PTPRT: variants seen among roughly 807,000 people sequenced by gnomAD.
The protein encoded by PTPRT is protein tyrosine phosphatase receptor type T.
In PTPRT, 56 loss-of-function variants were observed where a neutral mutation model predicts 176.8. The ratio of observed to expected loss-of-function variants is 0.32; its 90% CI spans 0.26 to 0.40. The LOEUF is 0.40. Ranked by LOEUF, PTPRT falls within the 10% of genes least tolerant of loss-of-function variation. PTPRT has a pLI of 1.00. For missense variants in PTPRT, 1,540 were observed against 1,908.2 expected (o/e 0.81, Z 3.60); for synonymous variants, 783 against 739.0 (o/e 1.06, Z -0.96).
At chr20:43,067,992 G>A (rs1451517717) in intron 1 of PTPRT, among the ~76,000 whole-genome samples, 1 of 5,072 alleles carries the variant, frequency 2.0e-4, no homozygotes, top group Non-Finnish European at 4.1e-4. Flanking sequence ...AAGGAAGGGA[G>A]GGGAGGAAGG....
At chr20:42,272,721 G>GCACACACA (rs58728446) in intron 13 of PTPRT, among the ~76,000 whole-genome samples, 4 of 149,206 alleles carry the variant, frequency 2.7e-5, no homozygotes, top group African/African-American at 9.9e-5. Flanking sequence ...ACACGTGCGC[G>GCACACACA]CACACACACA....
chr20:42,948,838 A>G (rs1215426372), intron 1 of PTPRT, among the ~76,000 whole-genome samples: 1 of 152,216 alleles, frequency 6.6e-6, no homozygotes, highest in Admixed American at 6.5e-5. Context: ...CCACATCTGT[A>G]TCACCAGGCC....
intron 13 of PTPRT, among the ~76,000 whole-genome samples, chr20:42,254,855 G>A (rs961091749): frequency 1.3e-5 from 2 of 152,186 alleles, no homozygotes; most frequent in African/African-American, 4.8e-5. Context: ...AGGACCTCAT[G>A]TCTACAGGAT....
At chr20:42,797,775 C>G (rs746281299) in intron 2 of PTPRT, among the ~76,000 whole-genome samples, 2 of 152,076 alleles carry the variant, frequency 1.3e-5, no homozygotes, top group African/African-American at 4.8e-5. Flanking sequence ...GACAAGGGGG[C>G]CAGGAGAGTC....
At chr20:42,154,742 C>T (rs1435795862) in intron 17 of PTPRT, among the ~76,000 whole-genome samples, 6 of 152,182 alleles carry the variant, frequency 3.9e-5, no homozygotes. Context: ...CTTCTGACTA[C>T]CATGGCAGCA....
intron 2 of PTPRT, among the ~76,000 whole-genome samples, chr20:42,854,153 T>C (rs541134098): frequency 6.6e-6 from 1 of 152,268 alleles, no homozygotes; most frequent in East Asian, 1.9e-4. Flanking sequence ...GAGAGTAGGA[T>C]GTAATGGTGA....
intron 6 of PTPRT, among the ~76,000 whole-genome samples, chr20:42,721,879 G>A (rs1403308621): frequency 1.3e-5 from 2 of 152,184 alleles, no homozygotes; most frequent in African/African-American, 2.4e-5. Context: ...ATGCCATTTA[G>A]TGATAACCTC....
At chr20:42,366,407 T>A (rs1309427683) in intron 9 of PTPRT, among the ~76,000 whole-genome samples, 1 of 152,210 alleles carries the variant, frequency 6.6e-6, no homozygotes, top group African/African-American at 2.4e-5. Context: ...TCCCTCAGCT[T>A]CTGAGAGATT....
intron 16 of PTPRT, among the ~76,000 whole-genome samples, chr20:42,175,490 T>C (rs1990252599): frequency 6.6e-6 from 1 of 152,036 alleles, no homozygotes; most frequent in Non-Finnish European, 1.5e-5. Context: ...AACCCATCTG[T>C]GGTATGAATG....
At chr20:43,057,956 A>T (rs11908291) in intron 1 of PTPRT, among the ~76,000 whole-genome samples, 4,000 of 152,310 alleles carry the variant, frequency 0.026, 178 homozygotes, top group African/African-American at 0.091. Context: ...AGTACATAGA[A>T]AGCACCCAGT....
At chr20:42,516,767 C>T (rs943932939) in intron 7 of PTPRT, among the ~76,000 whole-genome samples, 10 of 152,088 alleles carry the variant, frequency 6.6e-5, no homozygotes, top group East Asian at 5.8e-4. Flanking sequence ...AATTCCAATA[C>T]GAAATACAGC....
At chr20:43,084,859 G>T (rs1327724944) in intron 1 of PTPRT, among the ~76,000 whole-genome samples, 1 of 152,096 alleles carries the variant, frequency 6.6e-6, no homozygotes, top group Non-Finnish European at 1.5e-5. Flanking sequence ...CAGGATTATG[G>T]GTTTTTCTTC....
At chr20:42,405,370 G>A (rs1482128775) in intron 9 of PTPRT, among the ~76,000 whole-genome samples, 1 of 151,996 alleles carries the variant, frequency 6.6e-6, no homozygotes, top group East Asian at 1.9e-4. Context: ...AGGCCCCGGT[G>A]TGTGATGTTC....
intron 7 of PTPRT, among the ~76,000 whole-genome samples, chr20:42,607,911 C>T (rs941394504): frequency 1.6e-4 from 25 of 152,142 alleles, no homozygotes; most frequent in African/African-American, 6.0e-4. Context: ...GCTGATCCTC[C>T]CTGAAACACC....
chr20:42,999,224 A>T (rs1038126847), intron 1 of PTPRT, among the ~76,000 whole-genome samples: 7 of 152,222 alleles, frequency 4.6e-5, no homozygotes, highest in Non-Finnish European at 8.8e-5. Flanking sequence ...TTCAAACTGC[A>T]CATATAGTAA....
At chr20:42,411,303 G>A (rs182442073) in intron 9 of PTPRT, among the ~76,000 whole-genome samples, 26 of 152,010 alleles carry the variant, frequency 1.7e-4, no homozygotes, top group Middle Eastern at 3.4e-3. Flanking sequence ...AAATTAGCCA[G>A]GCCAAGAGTT....
chr20:42,295,048 G>C (rs1308563064), intron 12 of PTPRT, among the ~76,000 whole-genome samples: 1 of 152,006 alleles, frequency 6.6e-6, no homozygotes, highest in Non-Finnish European at 1.5e-5. Flanking sequence ...AAAATAGGTA[G>C]GTAAATATTT....
chr20:42,905,686 G>T (rs1458124782), intron 1 of PTPRT, among the ~76,000 whole-genome samples: 2 of 152,182 alleles, frequency 1.3e-5, no homozygotes, highest in Non-Finnish European at 2.9e-5. Context: ...ATCAATGATA[G>T]ACTGGATTAA....
chr20:42,116,912 C>G (rs970697698), intron 21 of PTPRT, among the ~76,000 whole-genome samples: 1 of 152,170 alleles, frequency 6.6e-6, no homozygotes, highest in African/African-American at 2.4e-5. Flanking sequence ...GTAGAACAGG[C>G]TGGAATTTGC....
Sources: allele counts gnomAD v4.1 joint callset (sites outside exome capture counted in the v4.1 genomes callset), GRCh38; gene constraint gnomAD v4.1.1; transcripts MANE v1.5; gene names NCBI Gene and HGNC (gene_info 2026-07-23, HGNC 2026-07-21).